ATXN1: variants seen among roughly 807,000 people sequenced by gnomAD.
ATXN1 encodes ataxin-1.
A neutral mutation model predicts 56.4 loss-of-function variants in ATXN1; 8 were observed. That is an observed-to-expected ratio of 0.14 (90% CI 0.08 to 0.26). The LOEUF (loss-of-function observed/expected upper bound fraction) is 0.26, where lower values mean the gene tolerates loss of function less well. ATXN1 is among the 10% of genes least tolerant of loss of function. The pLI, the probability that ATXN1 is intolerant of heterozygous loss-of-function variation, is 1.00. For missense variants in ATXN1, 987 were observed against 1,106.5 expected (o/e 0.89, Z 1.53); for synonymous variants, 514 against 494.6 (o/e 1.04, Z -0.52).
intron 6 of ATXN1, among the ~76,000 whole-genome samples, chr6:16,435,990 C>T (rs535957178): frequency 2.0e-5 from 3 of 152,162 alleles, no homozygotes; most frequent in South Asian, 2.1e-4. Flanking sequence ...CTCCACCTCC[C>T]GGGTTCCAGC....
intron 5 of ATXN1, among the ~76,000 whole-genome samples, chr6:16,492,291 G>C (rs986677155): frequency 4.0e-5 from 6 of 150,826 alleles, no homozygotes; most frequent in Admixed American, 4.0e-4. Context: ...GGGGGAGCGG[G>C]GAGGGATAGC....
chr6:16,662,335 CTT>C (rs56275788), intron 2 of ATXN1, among the ~76,000 whole-genome samples: 4 of 150,658 alleles, frequency 2.7e-5, no homozygotes, highest in Non-Finnish European at 4.4e-5. Flanking sequence ...CATCAAACTT[CTT>C]TTTTTTTTTT....
rs1207094982 is a variant in ATXN1, at chr6:16,299,858, G to A, written c.*6471C>T. 1 of 152,644 alleles carries A rather than the reference G, an allele frequency of 6.6e-6. No homozygotes were observed. The highest frequency in any genetic ancestry group is 6.5e-5 in the Admixed American group (1 of 15,280). The allele number at this position is 152,644 out of a possible 1,614,324, so 9.5% of individuals were successfully genotyped here. A position where few individuals can be genotyped will look rare whatever the true frequency, so the allele number is the denominator to read the frequency against. On this transcript the variant is annotated 3_prime_UTR_variant, in exon 8 of 8. Transcript: ENST00000436367. Reference sequence around the variant, plus strand: ...CCCGCCAAAAAGGGCAGTATTCACAGAACTGAATGCACAGGTATCAAGTTC... The same window carrying A: ...CCCGCCAAAAAGGGCAGTATTCACAAAACTGAATGCACAGGTATCAAGTTC...
chr6:16,605,332 C>T (rs1762984365), intron 3 of ATXN1, among the ~76,000 whole-genome samples: 1 of 152,192 alleles, frequency 6.6e-6, no homozygotes, highest in South Asian at 2.1e-4. Context: ...AACGCTTTCA[C>T]TTCACAGATG....
intron 1 of ATXN1, among the ~76,000 whole-genome samples, chr6:16,757,626 C>T (rs1342749948): frequency 6.6e-6 from 1 of 152,100 alleles, no homozygotes; most frequent in East Asian, 1.9e-4. Flanking sequence ...TCAATCCTAG[C>T]CCTGGGGGAA....
intron 7 of ATXN1, among the ~76,000 whole-genome samples, chr6:16,312,705 G>A (rs921499615): frequency 2.0e-5 from 3 of 152,038 alleles, no homozygotes; most frequent in African/African-American, 7.2e-5. Flanking sequence ...AAGACTGAAG[G>A]AGCATTATGA....
chr6:16,543,652 AAG>A (rs1554114383), intron 4 of ATXN1, among the ~76,000 whole-genome samples: 2 of 143,564 alleles, frequency 1.4e-5, no homozygotes, highest in African/African-American at 2.6e-5. Context: ...AAAAAAAAAA[AAG>A]AGAGAGAGAG....
intron 6 of ATXN1, among the ~76,000 whole-genome samples, chr6:16,346,172 C>T (rs1216931545): frequency 6.6e-6 from 1 of 152,230 alleles, no homozygotes; most frequent in Non-Finnish European, 1.5e-5. Context: ...TCTCATGCCT[C>T]AGCCTCCTGA....
In ATXN1 at chr6:16,301,873, TTCTC is replaced by T. The variant is rs1249558130; in HGVS notation, c.*4452_*4455del. The T allele has an allele frequency of 3.3e-5, 5 of 152,798 alleles. No homozygotes were observed. Among genetic ancestry groups the T allele is most frequent in the South Asian group, 2.1e-4 (1 of 4,826 alleles). The allele number at this position is 152,798 out of a possible 1,614,324, so 9.5% of individuals were successfully genotyped here. A position where few individuals can be genotyped will look rare whatever the true frequency, so the allele number is the denominator to read the frequency against. On this transcript the variant is annotated 3_prime_UTR_variant, in exon 8 of 8. Transcript: ENST00000436367. ...GTGTCTTCAAAAGCATTGGAGATTT[TTCTC>T]TCTATGAAAGAAATAGGTTTCCTTA...
chr6:16,701,615 T>C lies in ATXN1; in HGVS notation c.-614-43714A>G, dbSNP rs532022509. On this transcript the variant is annotated intron_variant, in intron 2 of 7. Coordinates refer to ENST00000436367, the MANE Select transcript of ATXN1 (RefSeq NM_001128164.2). ...TGTCTCAGCCCAAATCTCCTTAAGC[T>C]GATAAGCAACGTCAGCAAAGTCTGA... Among the ~76,000 whole-genome samples the C allele has an allele frequency of 5.9e-5, 9 of 152,336 alleles. No individual in the cohort carries two copies. In the East Asian group the frequency reaches 1.7e-3, roughly 29 times the overall value.
chr6:16,757,400 T>C (rs529707733), intron 1 of ATXN1, among the ~76,000 whole-genome samples: 2 of 152,336 alleles, frequency 1.3e-5, no homozygotes, highest in African/African-American at 2.4e-5. Context: ...TGTTGCAAAA[T>C]AGAATCCAGG....
intron 6 of ATXN1, among the ~76,000 whole-genome samples, chr6:16,400,870 C>T (rs547954331): frequency 6.6e-6 from 1 of 152,272 alleles, no homozygotes; most frequent in East Asian, 1.9e-4. Context: ...AACACTCCAA[C>T]CCAGTAGTTC....
intron 4 of ATXN1, among the ~76,000 whole-genome samples, chr6:16,544,363 G>T (rs796461216): frequency 2.0e-5 from 3 of 152,242 alleles, no homozygotes; most frequent in African/African-American, 4.8e-5. Context: ...CCGCCTCAAG[G>T]CCTCCCCCTT....
intron 4 of ATXN1, among the ~76,000 whole-genome samples, chr6:16,559,115 A>T (rs1468125164): frequency 6.6e-6 from 1 of 152,206 alleles, no homozygotes; most frequent in Non-Finnish European, 1.5e-5. Context: ...ATTGGCAAAG[A>T]TCGTGAAGTT....
intron 6 of ATXN1, among the ~76,000 whole-genome samples, chr6:16,368,343 CTTTT>C (rs10527935): frequency 1.3e-3 from 100 of 75,900 alleles, no homozygotes; most frequent in African/African-American, 3.7e-3. Context: ...ACTTCTTCTT[CTTTT>C]TTTTTTTTTT....
intron 2 of ATXN1, among the ~76,000 whole-genome samples, chr6:16,723,098 T>A (rs1759778516): frequency 6.6e-6 from 1 of 152,210 alleles, no homozygotes; most frequent in Non-Finnish European, 1.5e-5. Context: ...TTATACAGAC[T>A]TCTCAGAAAT....
chr6:16,717,816 G>A (rs1201218518), intron 2 of ATXN1, among the ~76,000 whole-genome samples: 1 of 152,168 alleles, frequency 6.6e-6, no homozygotes, highest in Non-Finnish European at 1.5e-5. Flanking sequence ...AGAAGGCGGC[G>A]ATCGTATGCA....
At chr6:16,529,683 T>G (rs1032346516) in intron 4 of ATXN1, among the ~76,000 whole-genome samples, 8 of 152,020 alleles carry the variant, frequency 5.3e-5, no homozygotes, top group African/African-American at 1.9e-4. Context: ...CATATTATTA[T>G]GTGTTTCTCG....
chr6:16,455,097 T>C (rs1053578063), intron 6 of ATXN1, among the ~76,000 whole-genome samples: 1 of 152,096 alleles, frequency 6.6e-6, no homozygotes, highest in Non-Finnish European at 1.5e-5. Context: ...GTGTGGCAAA[T>C]GCTCTAGGAG....
Sources: allele counts gnomAD v4.1 joint callset (sites outside exome capture counted in the v4.1 genomes callset), GRCh38; gene constraint gnomAD v4.1.1; transcripts MANE v1.5; gene names NCBI Gene and HGNC (gene_info 2026-07-23, HGNC 2026-07-21).